RAP1A: variants seen among roughly 807,000 people sequenced by gnomAD.
The protein encoded by RAP1A is ras-related protein Rap-1A.
Under a neutral mutation model 26.4 loss-of-function variants are expected in RAP1A, and 6 were observed. The ratio of observed to expected loss-of-function variants is 0.23; its 90% confidence interval spans 0.12 to 0.45. The LOEUF (loss-of-function observed/expected upper bound fraction) is 0.45, where lower values mean the gene tolerates loss of function less well. Ranked by LOEUF, RAP1A falls within the 20% of genes least tolerant of loss-of-function variation. The probability of loss-of-function intolerance (pLI) is 0.99; values close to 1 mark genes in which losing one functional copy is unlikely to be tolerated. For missense variants in RAP1A, 121 were observed against 217.2 expected, an observed-to-expected ratio of 0.56 and a Z score of 2.78; for synonymous variants, 73 against 79.4, an observed-to-expected ratio of 0.92 and a Z score of 0.43.
chr1:111,585,369 T>C (rs1037400237), intron 1 of RAP1A, among the ~76,000 whole-genome samples: 1 of 152,102 alleles, frequency 6.6e-6, no homozygotes, highest in African/African-American at 2.4e-5. Flanking sequence ...ATTTAAACCA[T>C]AAAGGCAGCA....
intron 1 of RAP1A, among the ~76,000 whole-genome samples, chr1:111,625,204 C>G (rs1659356655): frequency 6.6e-6 from 1 of 152,172 alleles, no homozygotes; most frequent in Non-Finnish European, 1.5e-5. Context: ...ACGCCTATAA[C>G]ATGTTACTCC....
rs149916283 is a variant in RAP1A, at chr1:111,704,564, A to G, written c.468+78A>G. On this transcript the variant is annotated intron_variant, in intron 6 of 7. Coordinates refer to ENST00000369709, the MANE Select transcript of RAP1A (RefSeq NM_002884.4). ...AGTTAACAGCCAGACTTTTAAGAAA[A>G]AATTTTTATCTTTTAAGCAATCTTG... 3.3e-4 allele frequency: 457 copies of G among 1,397,760 alleles called. 1 individual carries two copies. The African/African-American group carries it at 6.0e-3, about 18-fold the overall frequency. 86.6% of individuals were successfully genotyped at this position (1,397,760 alleles called of 1,614,324 possible). A position where few individuals can be genotyped will look rare whatever the true frequency, so the allele number is the denominator to read the frequency against.
chr1:111,660,534 A>G (rs529556608), intron 1 of RAP1A, among the ~76,000 whole-genome samples: 26 of 152,208 alleles, frequency 1.7e-4, no homozygotes, highest in South Asian at 6.2e-4. Flanking sequence ...AAGTTAACCA[A>G]TTCTTACTAC....
At chr1:111,574,289 G>C (rs1173628684) in intron 1 of RAP1A, among the ~76,000 whole-genome samples, 1 of 152,084 alleles carries the variant, frequency 6.6e-6, no homozygotes, top group African/African-American at 2.4e-5. Context: ...TTATTTCTGG[G>C]TTCTCTATTC....
intron 1 of RAP1A, among the ~76,000 whole-genome samples, chr1:111,581,594 A>T (rs4839148): frequency 0.83 from 126,223 of 152,218 alleles, 53,740 homozygotes; most frequent in Non-Finnish European, 0.91. Context: ...CTGATATAAC[A>T]CAATGCATAT....
chr1:111,710,639 C>T (rs1373704486), intron 7 of RAP1A, among the ~76,000 whole-genome samples: 1 of 152,120 alleles, frequency 6.6e-6, no homozygotes, highest in Non-Finnish European at 1.5e-5. Flanking sequence ...CTGTGTGCTT[C>T]CTTAGAGATA....
intron 1 of RAP1A, among the ~76,000 whole-genome samples, chr1:111,639,494 C>T (rs1659830824): frequency 6.6e-6 from 1 of 151,434 alleles, no homozygotes. Flanking sequence ...AATGTAGCCA[C>T]TCACAGCATT....
intron 1 of RAP1A, among the ~76,000 whole-genome samples, chr1:111,543,642 AAGGAGGAATAGGAGGAGGAAGAAGAG>A (rs1656928626): frequency 1.7e-4 from 2 of 11,482 alleles, no homozygotes; most frequent in Admixed American, 1.8e-3. Context: ...GGAGGAAGAG[AAGGAGGAATAGGAGGAGGAAGAAGAG>A]GAGGAAAAAG....
intron 6 of RAP1A, among the ~76,000 whole-genome samples, chr1:111,708,406 A>G (rs1182089206): frequency 1.3e-5 from 2 of 152,244 alleles, no homozygotes; most frequent in Non-Finnish European, 2.9e-5. Context: ...GATAAACCCA[A>G]ATCAAGGGAA....
At chr1:111,663,380 G>C (rs1660697498) in intron 1 of RAP1A, among the ~76,000 whole-genome samples, 1 of 152,136 alleles carries the variant, frequency 6.6e-6, no homozygotes, top group Admixed American at 6.5e-5. Flanking sequence ...TCCTGATTTG[G>C]GGTTCCTAAT....
intron 2 of RAP1A, among the ~76,000 whole-genome samples, chr1:111,694,366 A>T (rs1661766170): frequency 6.6e-6 from 1 of 152,238 alleles, no homozygotes; most frequent in Non-Finnish European, 1.5e-5. Context: ...CTTTAGCTCA[A>T]GCTAAAATAG....
intron 1 of RAP1A, among the ~76,000 whole-genome samples, chr1:111,628,260 T>A (rs1477488108): frequency 6.6e-6 from 1 of 152,214 alleles, no homozygotes; most frequent in Admixed American, 6.5e-5. Context: ...TGTTTCTGTT[T>A]ACATGAATAA....
intron 1 of RAP1A, among the ~76,000 whole-genome samples, chr1:111,548,392 T>C (rs1412724981): frequency 6.6e-6 from 1 of 152,238 alleles, no homozygotes; most frequent in Non-Finnish European, 1.5e-5. Context: ...CTGGTAAAAC[T>C]ATATGTCATC....
chr1:111,694,719 G>A (rs1381933711), intron 2 of RAP1A, among the ~76,000 whole-genome samples: 1 of 152,198 alleles, frequency 6.6e-6, no homozygotes, highest in Non-Finnish European at 1.5e-5. Flanking sequence ...TTTGAATGTG[G>A]TTATAAATTA....
intron 1 of RAP1A, among the ~76,000 whole-genome samples, chr1:111,675,880 G>A (rs183619724): frequency 1.3e-5 from 2 of 152,344 alleles, no homozygotes; most frequent in African/African-American, 4.8e-5. Flanking sequence ...GCAAGGAAGA[G>A]CAAGTCCCAT....
At chr1:111,662,585 AAGAG>A (rs1455158598) in intron 1 of RAP1A, among the ~76,000 whole-genome samples, 3 of 152,164 alleles carry the variant, frequency 2.0e-5, no homozygotes, top group Admixed American at 6.5e-5. Context: ...TGGCCATACT[AAGAG>A]AGATTTGATG....
intron 1 of RAP1A, among the ~76,000 whole-genome samples, chr1:111,544,618 G>A (rs1656969424): frequency 6.6e-6 from 1 of 152,052 alleles, no homozygotes; most frequent in Non-Finnish European, 1.5e-5. Context: ...ATAAACATTT[G>A]GTTTGTTCCA....
chr1:111,607,722 G>A (rs1455392189), intron 1 of RAP1A, among the ~76,000 whole-genome samples: 2 of 144,870 alleles, frequency 1.4e-5, no homozygotes, highest in East Asian at 4.1e-4. Context: ...CGGACGGGGC[G>A]GCTGGCCGGG....
At chr1:111,577,835 A>C (rs757803586) in intron 1 of RAP1A, among the ~76,000 whole-genome samples, 22 of 152,202 alleles carry the variant, frequency 1.4e-4, no homozygotes, top group Non-Finnish European at 3.1e-4. Context: ...CTATAAAGGC[A>C]GTTGGGGCTG....
Sources: gnomAD v4.1 joint callset for allele counts (sites outside exome capture counted in the v4.1 genomes callset) on GRCh38, gnomAD v4.1.1 for gene constraint, MANE v1.5 for transcripts, NCBI Gene and HGNC (gene_info 2026-07-23, HGNC 2026-07-21) for gene names.